VAV3: variants seen among roughly 807,000 people sequenced by gnomAD.
VAV3 encodes vav guanine nucleotide exchange factor 3.
VAV3 carries 94 observed loss-of-function variants against 131.2 expected under a neutral mutation model. The ratio of observed to expected loss-of-function variants is 0.72; its 90% CI spans 0.61 to 0.85. The LOEUF is 0.85. VAV3 is among the 40% of genes least tolerant of loss of function. The pLI is 0.00. For synonymous variants in VAV3, 349 were observed against 342.0 expected (o/e 1.02, Z -0.22); for missense variants, 939 against 1,002.7 (o/e 0.94, Z 0.86).
chr1:107,740,866 G>A (rs1440623228), intron 15 of VAV3, among the ~76,000 whole-genome samples: 4 of 152,212 alleles, frequency 2.6e-5, no homozygotes, highest in Non-Finnish European at 5.9e-5. Context: ...AGCTCTGACA[G>A]ATACCATATG....
At chr1:107,621,534 A>T (rs978608994) in intron 20 of VAV3, among the ~76,000 whole-genome samples, 27 of 152,078 alleles carry the variant, frequency 1.8e-4, no homozygotes, top group African/African-American at 5.6e-4. Context: ...TGCAGACTGT[A>T]ACTATGACAT....
chr1:107,665,733 C>A (rs537219086), intron 19 of VAV3, among the ~76,000 whole-genome samples: 3 of 152,274 alleles, frequency 2.0e-5, no homozygotes, highest in African/African-American at 7.2e-5. Flanking sequence ...CAGGCCAATA[C>A]TAGAAACACT....
At chr1:107,650,709 C>G (rs917166209) in intron 19 of VAV3, among the ~76,000 whole-genome samples, 2 of 118,052 alleles carry the variant, frequency 1.7e-5, no homozygotes, top group East Asian at 3.0e-4. Flanking sequence ...TCCCTCCCCC[C>G]CCTCCCCCCA....
At chr1:107,751,687 G>A (rs550966049) in intron 12 of VAV3, among the ~76,000 whole-genome samples, 7 of 152,050 alleles carry the variant, frequency 4.6e-5, no homozygotes, top group South Asian at 2.1e-4. Context: ...GGGGGCGCGC[G>A]CTAATTTGGT....
At chr1:107,735,469 T>C (rs1662556130) in intron 15 of VAV3, among the ~76,000 whole-genome samples, 1 of 151,478 alleles carries the variant, frequency 6.6e-6, no homozygotes, top group South Asian at 2.1e-4. Context: ...GCAAGACTAA[T>C]AAAGAAGAAA....
rs1298632185 is a variant in VAV3, at chr1:107,960,476, AG to A, written c.204+4189del. On this transcript the variant is annotated intron_variant, in intron 1 of 26. Transcript: ENST00000370056. The stretch of plus-strand genomic sequence containing the variant: ...GTAAGACTCCGTCTCAAAAAAAAAA[AG>A]AAAAGAAAAGAAAGGTAAATCAGGC... Among the ~76,000 whole-genome samples, 7 of 151,282 alleles carry A rather than the reference AG, an allele frequency of 4.6e-5. No homozygotes were observed. The East Asian group carries it at 1.4e-3, about 29-fold the overall frequency.
chr1:107,901,275 TA>T (rs1289566934), intron 1 of VAV3, among the ~76,000 whole-genome samples: 4 of 152,192 alleles, frequency 2.6e-5, no homozygotes, highest in Non-Finnish European at 4.4e-5. Context: ...TGGTGGTTCC[TA>T]AATTATACAC....
chr1:107,712,133 C>A (rs1002743672), intron 15 of VAV3, among the ~76,000 whole-genome samples: 1 of 152,184 alleles, frequency 6.6e-6, no homozygotes, highest in South Asian at 2.1e-4. Context: ...CTCTCTCACA[C>A]GCACACTTAT....
chr1:107,956,790 G>T (rs1674837248), intron 1 of VAV3, among the ~76,000 whole-genome samples: 1 of 152,052 alleles, frequency 6.6e-6, no homozygotes, highest in South Asian at 2.1e-4. Flanking sequence ...CACGGTGCGG[G>T]TTTTCCTCCA....
At chr1:107,796,821 A>G (rs1666574992) in intron 2 of VAV3, among the ~76,000 whole-genome samples, 1 of 149,056 alleles carries the variant, frequency 6.7e-6, no homozygotes, top group South Asian at 2.1e-4. Context: ...ATATATATGC[A>G]AATTTACCAT....
At chr1:107,622,088 C>G (rs983383765) in intron 20 of VAV3, among the ~76,000 whole-genome samples, 1 of 152,072 alleles carries the variant, frequency 6.6e-6, no homozygotes, top group Admixed American at 6.6e-5. Context: ...AATAACAATG[C>G]CTTTTTCCTG....
intron 25 of VAV3, among the ~76,000 whole-genome samples, chr1:107,593,056 T>C (rs760217431): frequency 3.3e-5 from 5 of 152,092 alleles, no homozygotes; most frequent in Admixed American, 6.6e-5. Context: ...CCCTTAGAAA[T>C]GCTCTTAAGT....
Position 107,928,434 on chromosome 1 carries a change from T to C in VAV3, c.204+36232A>G, listed in dbSNP as rs557474139. ...TAAATTAGGCACCAAGGACCAATCCTGGAGAAACAGAGATATGTGACCTTT... is the reference window on the plus strand; with the variant it reads ...TAAATTAGGCACCAAGGACCAATCCCGGAGAAACAGAGATATGTGACCTTT... On this transcript the variant is annotated intron_variant, in intron 1 of 26. Transcript: ENST00000370056. Among the ~76,000 whole-genome samples the C allele has an allele frequency of 1.1e-4, 16 of 152,280 alleles. No homozygotes were observed. The East Asian group carries it at 3.1e-3, about 29-fold the overall frequency.
intron 23 of VAV3, 34 bp downstream of exon 23, chr1:107,603,013 A>C (rs1651984474): frequency 6.4e-7 from 1 of 1,551,926 alleles, no homozygotes; most frequent in African/African-American, 1.4e-5. Context: ...GAAAACAGGA[A>C]ATCTATTTCT....
At chr1:107,776,703 A>G (rs890479694) in intron 4 of VAV3, among the ~76,000 whole-genome samples, 1 of 152,222 alleles carries the variant, frequency 6.6e-6, no homozygotes, top group Non-Finnish European at 1.5e-5. Flanking sequence ...GATCACGCAT[A>G]TATTTATTTG....
At chr1:107,956,258 G>A (rs961434967) in intron 1 of VAV3, among the ~76,000 whole-genome samples, 1 of 152,196 alleles carries the variant, frequency 6.6e-6, no homozygotes, top group Admixed American at 6.5e-5. Context: ...GGAGAAACGG[G>A]TGATTAAGTT....
At chr1:107,609,855 A>G in intron 22 of VAV3, 76 bp downstream of exon 22, 1 of 1,414,838 alleles carries the variant, frequency 7.1e-7, no homozygotes, top group Middle Eastern at 1.8e-4. Flanking sequence ...ATGGTTTACT[A>G]CCCCCACATT....
intron 19 of VAV3, among the ~76,000 whole-genome samples, chr1:107,671,487 C>G (rs1275197459): frequency 6.6e-6 from 1 of 152,004 alleles, no homozygotes; most frequent in Non-Finnish European, 1.5e-5. Flanking sequence ...GAAATGAGAA[C>G]ATATCTACTG....
intron 11 of VAV3, among the ~76,000 whole-genome samples, chr1:107,756,074 G>A (rs760392273): frequency 1.3e-5 from 2 of 152,188 alleles, no homozygotes; most frequent in Non-Finnish European, 2.9e-5. Flanking sequence ...AAGGAGAGGT[G>A]AGGAACTAAA....
Sources: allele counts gnomAD v4.1 joint callset (sites outside exome capture counted in the v4.1 genomes callset), GRCh38; gene constraint gnomAD v4.1.1; transcripts MANE v1.5; gene names NCBI Gene and HGNC (gene_info 2026-07-23, HGNC 2026-07-21).